Variants in CCSER1 observed in about 807,000 individuals in gnomAD.
CCSER1 encodes the protein coiled-coil serine rich protein 1.
Under a neutral mutation model 82.0 loss-of-function variants are expected in CCSER1, and 41 were observed. That is an observed-to-expected ratio of 0.50 (90% CI 0.39 to 0.65). The LOEUF (loss-of-function observed/expected upper bound fraction) is 0.65, where lower values mean the gene tolerates loss of function less well. Among genes scored for constraint, CCSER1 ranks in the 30% least tolerant of loss-of-function variants. CCSER1 has a pLI of 0.00. For synonymous variants in CCSER1, 414 were observed against 383.9 expected (o/e 1.08, Z -0.92); for missense variants, 1,119 against 1,064.2 (o/e 1.05, Z -0.72).
intron 4 of CCSER1, among the ~76,000 whole-genome samples, chr4:90,465,785 A>C (rs1763544870): frequency 1.3e-5 from 2 of 152,214 alleles, no homozygotes; most frequent in African/African-American, 4.8e-5. Flanking sequence ...CTGAAGTGCT[A>C]GTAAAGAAGT....
intron 6 of CCSER1, among the ~76,000 whole-genome samples, chr4:90,670,749 T>C (rs558803722): frequency 9.9e-5 from 15 of 152,142 alleles, no homozygotes; most frequent in African/African-American, 3.6e-4. Context: ...AAACTGTCAC[T>C]GAGTACCTGT....
intron 7 of CCSER1, among the ~76,000 whole-genome samples, chr4:90,760,736 T>TG (rs1232756524): frequency 1.3e-5 from 2 of 152,106 alleles, no homozygotes; most frequent in African/African-American, 4.8e-5. Context: ...TTTCTTGTTA[T>TG]GGGACTACAG....
At chr4:91,117,365 T>A (rs575306066) in intron 10 of CCSER1, among the ~76,000 whole-genome samples, 1 of 152,318 alleles carries the variant, frequency 6.6e-6, no homozygotes, top group East Asian at 1.9e-4. Flanking sequence ...AGCTGTTGAG[T>A]TGGCCTTAAG....
intron 10 of CCSER1, among the ~76,000 whole-genome samples, chr4:91,548,719 T>G (rs569155423): frequency 6.6e-6 from 1 of 152,112 alleles, no homozygotes; most frequent in African/African-American, 2.4e-5. Flanking sequence ...AGAAATTGGA[T>G]GTGATTCTTT....
At chr4:91,238,561 T>C (rs2149127259) in intron 10 of CCSER1, among the ~76,000 whole-genome samples, 1 of 152,314 alleles carries the variant, frequency 6.6e-6, no homozygotes, top group Non-Finnish European at 1.5e-5. Flanking sequence ...GAAATAAAAA[T>C]CTAACACAAG....
intron 1 of CCSER1, among the ~76,000 whole-genome samples, chr4:90,190,513 CA>C (rs2153395804): frequency 6.6e-6 from 1 of 152,206 alleles, no homozygotes; most frequent in East Asian, 1.9e-4. Flanking sequence ...TTTCAGCTCT[CA>C]AATATTCCTC....
intron 3 of CCSER1, among the ~76,000 whole-genome samples, chr4:90,339,723 T>C (rs1218511653): frequency 1.3e-5 from 2 of 152,134 alleles, no homozygotes; most frequent in African/African-American, 4.8e-5. Context: ...ATGTCATCCC[T>C]GACCATTCTC....
chr4:91,256,340 G>A (rs1740681393), intron 10 of CCSER1, among the ~76,000 whole-genome samples: 2 of 152,146 alleles, frequency 1.3e-5, no homozygotes, highest in African/African-American at 4.8e-5. Context: ...CATACACAGT[G>A]GGACATGAAG....
intron 9 of CCSER1, among the ~76,000 whole-genome samples, chr4:91,035,294 GA>G (rs1231334760): frequency 6.6e-6 from 1 of 151,970 alleles, no homozygotes; most frequent in Non-Finnish European, 1.5e-5. Flanking sequence ...TCACATACAA[GA>G]AAGAAAAGAT....
chr4:90,691,261 T>A lies in CCSER1; in HGVS notation c.1933-32653T>A, dbSNP rs1560950113. Among the ~76,000 whole-genome samples, 3 of 152,092 alleles carry A rather than the reference T, an allele frequency of 2.0e-5. No homozygotes were observed. The South Asian group carries it at 6.2e-4, about 32-fold the overall frequency. On this transcript the variant is annotated intron_variant, in intron 6 of 10. Coordinates refer to ENST00000509176, the MANE Select transcript of CCSER1 (RefSeq NM_001145065.2). Reference sequence around the variant, plus strand: ...CATACATAAAACCTCTAAGTTTTACTTAAAGATATACCTGTCTCTGATAGA... The same window carrying A: ...CATACATAAAACCTCTAAGTTTTACATAAAGATATACCTGTCTCTGATAGA...
At chr4:90,834,761 G>C (rs894436973) in intron 8 of CCSER1, among the ~76,000 whole-genome samples, 1 of 152,084 alleles carries the variant, frequency 6.6e-6, no homozygotes, top group Non-Finnish European at 1.5e-5. Context: ...TAACGGAAAG[G>C]GCGACAATAA....
intron 4 of CCSER1, among the ~76,000 whole-genome samples, chr4:90,443,663 AT>A (rs1760225541): frequency 6.6e-6 from 1 of 152,034 alleles, no homozygotes; most frequent in Non-Finnish European, 1.5e-5. Flanking sequence ...TATATTTTAT[AT>A]TTTTCATTGG....
At chr4:90,472,672 A>G (rs77657072) in intron 5 of CCSER1, among the ~76,000 whole-genome samples, 2,359 of 152,304 alleles carry the variant, frequency 0.015, 40 homozygotes, top group African/African-American at 0.045. Context: ...AGAATACCAT[A>G]GAAAGGATAA....
intron 10 of CCSER1, among the ~76,000 whole-genome samples, chr4:91,392,265 T>C (rs1314112848): frequency 6.6e-6 from 1 of 151,932 alleles, no homozygotes; most frequent in Non-Finnish European, 1.5e-5. Context: ...TTTTTCTCTC[T>C]CTGAGATTAA....
chr4:91,180,788 A>G (rs891577335), intron 10 of CCSER1, among the ~76,000 whole-genome samples: 4 of 152,252 alleles, frequency 2.6e-5, no homozygotes, highest in African/African-American at 9.6e-5. Context: ...CAGGGGTCTC[A>G]CAACCTTCAG....
Position 90,684,044 on chromosome 4 carries a change from G to A in CCSER1, c.1933-39870G>A, listed in dbSNP as rs537204911. Among the ~76,000 whole-genome samples, 17 of 152,232 alleles carry A rather than the reference G, an allele frequency of 1.1e-4. No individual in the cohort carries two copies. The South Asian group carries it at 1.2e-3, about 11-fold the overall frequency. ...TTTGTACTCTAGAGAATGCTCTGAG[G>A]TTGATTGAGTTGTGTTTTGAATTAA... is the stretch of plus-strand genomic sequence containing the variant. On this transcript the variant is annotated intron_variant, in intron 6 of 10. Transcript: ENST00000509176.
chr4:91,403,700 T>C (rs914020033), intron 10 of CCSER1, among the ~76,000 whole-genome samples: 2 of 152,198 alleles, frequency 1.3e-5, no homozygotes, highest in Admixed American at 6.5e-5. Flanking sequence ...ATTACATTTA[T>C]TGATTTGTGT....
chr4:90,406,054 A>G (rs1578308937), intron 4 of CCSER1, among the ~76,000 whole-genome samples: 1 of 152,200 alleles, frequency 6.6e-6, no homozygotes, highest in South Asian at 2.1e-4. Context: ...GCTCCACTGA[A>G]AAGAGACAGA....
chr4:90,932,984 GAAAGAAAGAAAGAAAGAA>G (rs1730242237), intron 9 of CCSER1, among the ~76,000 whole-genome samples: 1 of 20,532 alleles, frequency 4.9e-5, no homozygotes, highest in Non-Finnish European at 9.4e-5. Context: ...GAAAGAAAGA[GAAAGAAAGAAAGAAAGAA>G]AGAAAGAAAG....
Sources: gnomAD v4.1 joint callset for allele counts (sites outside exome capture counted in the v4.1 genomes callset) on GRCh38, gnomAD v4.1.1 for gene constraint, MANE v1.5 for transcripts, NCBI Gene and HGNC (gene_info 2026-07-23, HGNC 2026-07-21) for gene names.